The following LIN54 variants were observed in gnomAD, a reference collection of about 807,000 sequenced individuals.
LIN54 encodes lin-54 DREAM MuvB core complex component.
In LIN54, 9 loss-of-function variants were observed where a neutral mutation model predicts 78.7. That is an observed-to-expected ratio of 0.11 (90% CI 0.07 to 0.20). LIN54 has a LOEUF of 0.20. Among genes scored for constraint, LIN54 ranks in the 10% least tolerant of loss-of-function variants. The pLI is 1.00. For synonymous variants in LIN54, 269 were observed against 318.4 expected, an observed-to-expected ratio of 0.84 and a Z score of 1.65; for missense variants, 573 against 889.9, an observed-to-expected ratio of 0.64 and a Z score of 4.53.
chr4:82,931,559 G>T (rs1721956527), intron 11 of LIN54, among the ~76,000 whole-genome samples: 1 of 152,114 alleles, frequency 6.6e-6, no homozygotes, highest in African/African-American at 2.4e-5. Flanking sequence ...TCACATTAAA[G>T]GGATTTCACA....
chr4:82,937,771 T>C (rs1722506971), intron 8 of LIN54, among the ~76,000 whole-genome samples: 2 of 152,176 alleles, frequency 1.3e-5, no homozygotes, highest in African/African-American at 4.8e-5. Context: ...AAGCTGATAT[T>C]GCAAAAGCCA....
At chr4:83,007,812 C>T (rs1578678017) in intron 1 of LIN54, among the ~76,000 whole-genome samples, 1 of 152,056 alleles carries the variant, frequency 6.6e-6, no homozygotes, top group East Asian at 1.9e-4. Flanking sequence ...TCACTTGAGC[C>T]TGGGAGGCGG....
At chr4:82,929,419 G>A (rs1721760461) in intron 12 of LIN54, among the ~76,000 whole-genome samples, 1 of 152,056 alleles carries the variant, frequency 6.6e-6, no homozygotes, top group South Asian at 2.1e-4. Flanking sequence ...AAGAATCCCA[G>A]GTTATAAGTC....
At chr4:82,931,250 G>A in intron 11 of LIN54, 105 bp from the exon 12 acceptor site, 1 of 784,676 alleles carries the variant, frequency 1.3e-6, no homozygotes. Context: ...CTGGTCAACT[G>A]ATAATAAGAT....
At chr4:82,939,317 G>A (rs1722645030) in intron 7 of LIN54, among the ~76,000 whole-genome samples, 1 of 152,154 alleles carries the variant, frequency 6.6e-6, no homozygotes, top group Non-Finnish European at 1.5e-5. Flanking sequence ...GCTGCTCTCA[G>A]CTCCAAATTG....
intron 4 of LIN54, among the ~76,000 whole-genome samples, chr4:82,959,620 TAAC>T (rs929051681): frequency 1.1e-4 from 16 of 152,148 alleles, no homozygotes; most frequent in Non-Finnish European, 2.2e-4. Context: ...GCAATGGAAA[TAAC>T]AATTTGTACA....
chr4:82,930,345 G>T (rs1389524676), intron 12 of LIN54, among the ~76,000 whole-genome samples: 1 of 152,204 alleles, frequency 6.6e-6, no homozygotes, highest in Admixed American at 6.5e-5. Flanking sequence ...AAACACTGGA[G>T]ATATTATAGA....
Position 82,927,853 on chromosome 4 carries a change from C to A in LIN54, c.*249G>T. The A allele has an allele frequency of 7.7e-6, 3 of 388,054 alleles. No individual in the cohort carries two copies. The highest frequency in any genetic ancestry group is 4.3e-5 in the East Asian group (1 of 23,370). 24.0% of individuals were successfully genotyped at this position (388,054 alleles called of 1,614,324 possible). A position where few individuals can be genotyped will look rare whatever the true frequency, so the allele number is the denominator to read the frequency against. ...AGAGAACATCTAATTCTTAAGAAAC[C>A]CAAGCAAATTAAAAAATCTATATAA... On this transcript the variant is annotated 3_prime_UTR_variant, in exon 13 of 13. Transcript: ENST00000340417.
chr4:82,927,998 A>C lies in LIN54; in HGVS notation c.*104T>G. ...TTATAATTTCAGGTCTTTTAAAACAAGGACTGAATTAAAATACAGTAATTG... is the reference window on the plus strand; with the variant it reads ...TTATAATTTCAGGTCTTTTAAAACACGGACTGAATTAAAATACAGTAATTG... On this transcript the variant is annotated 3_prime_UTR_variant, in exon 13 of 13. Coordinates refer to ENST00000340417, the MANE Select transcript of LIN54 (RefSeq NM_194282.4). 1.1e-6 allele frequency: 1 copy of C among 905,264 alleles called. No homozygotes were observed. The highest frequency in any genetic ancestry group is 2.5e-5 in the East Asian group (1 of 39,526). The allele number at this position is 905,264 out of a possible 1,614,324, so 56.1% of individuals were successfully genotyped here. A position where few individuals can be genotyped will look rare whatever the true frequency, so the allele number is the denominator to read the frequency against.
chr4:82,928,155 C>CAAT lies in LIN54; in HGVS notation c.2196_2197insATT (p.Ser732_Val733insIle), dbSNP rs1239101400. 6.2e-7 allele frequency: 1 copy of CAAT among 1,614,218 alleles called. No homozygotes were observed. Among genetic ancestry groups the CAAT allele is most frequent in the Non-Finnish European group, 8.5e-7 (1 of 1,180,014 alleles). ...TTTGCCTTTCCTGCAGAGTTGATGA[C>CAAT]ACTCATCAAACATCGTCCGAATTCC... On this transcript the variant is annotated inframe_insertion, in exon 13 of 13. Transcript: ENST00000340417.
intron 4 of LIN54, among the ~76,000 whole-genome samples, chr4:82,960,072 C>T (rs1038858796): frequency 4.6e-5 from 7 of 152,124 alleles, no homozygotes; most frequent in Non-Finnish European, 8.8e-5. Context: ...AGCTTTTTTA[C>T]CAAAACATAT....
chr4:82,959,369 C>A (rs996954047), intron 4 of LIN54, among the ~76,000 whole-genome samples: 5 of 151,990 alleles, frequency 3.3e-5, no homozygotes, highest in Non-Finnish European at 5.9e-5. Flanking sequence ...GTGGTGCATA[C>A]CTGTTGCCCT....
rs368028820 is a variant in LIN54, at chr4:82,931,032, C to G, written c.1959G>C (p.Gln653His). Residue 653 changes from glutamine (Q) to histidine (H), a missense_variant, in exon 12 of 13, where the codon CAG becomes CAC. This residue lies in a region of LIN54 where 82 missense variants were observed against 140.8 expected (regional missense o/e 0.58). Transcript: ENST00000340417. Reference sequence around the variant, plus strand: ...ACTTCGTCTTGGCTGCTGTTTGTTGCTGTACCCTTACTTCAGCTGCATCTG... The same window carrying G: ...ACTTCGTCTTGGCTGCTGTTTGTTGGTGTACCCTTACTTCAGCTGCATCTG... The part of the protein sequence containing the change: ...HLADAAEVRV[Q>H]QQTAAKTKLS... The G allele has an allele frequency of 5.6e-6, 9 of 1,614,092 alleles. No individual in the cohort carries two copies. The highest frequency in any genetic ancestry group is 7.6e-6 in the Non-Finnish European group (9 of 1,180,036).
intron 1 of LIN54, among the ~76,000 whole-genome samples, 156 bp downstream of exon 1, chr4:83,010,325 AAAG>A (rs1729758317): frequency 6.6e-6 from 1 of 152,146 alleles, no homozygotes; most frequent in Admixed American, 6.5e-5. Context: ...CTTAACACTC[AAAG>A]AATAATGTTG....
intron 1 of LIN54, among the ~76,000 whole-genome samples, chr4:83,000,873 G>A (rs1218494972): frequency 3.6e-5 from 5 of 140,450 alleles, no homozygotes; most frequent in South Asian, 2.3e-4. Flanking sequence ...GTGCAGTGGC[G>A]CAATCTTGAT....
chr4:82,962,798 GAA>G (rs70943174), intron 4 of LIN54, among the ~76,000 whole-genome samples: 6 of 149,342 alleles, frequency 4.0e-5, no homozygotes, highest in East Asian at 1.9e-4. Flanking sequence ...GAAACACAAA[GAA>G]AAAAAAAACT....
At chr4:82,936,541 T>C (rs960608842) in intron 9 of LIN54, among the ~76,000 whole-genome samples, 160 bp from the exon 10 acceptor site, 1 of 152,222 alleles carries the variant, frequency 6.6e-6, no homozygotes, top group African/African-American at 2.4e-5. Context: ...ACAACACATA[T>C]TGTCAACCAC....
intron 4 of LIN54, among the ~76,000 whole-genome samples, chr4:82,967,230 AAAAAAAG>A (rs1236335456): frequency 1.3e-5 from 2 of 152,058 alleles, no homozygotes; most frequent in African/African-American, 2.4e-5. Flanking sequence ...ATCTCAAAAA[AAAAAAAG>A]AAAAAAGAAA....
chr4:82,927,974 T>C lies in LIN54; in HGVS notation c.*128A>G, dbSNP rs1721621873. 1 of 740,074 alleles carries C rather than the reference T, an allele frequency of 1.4e-6. No individual in the cohort carries two copies. Among genetic ancestry groups the C allele is most frequent in the Non-Finnish European group, 2.3e-6 (1 of 441,324 alleles). 45.8% of individuals were successfully genotyped at this position (740,074 alleles called of 1,614,324 possible). A position where few individuals can be genotyped will look rare whatever the true frequency, so the allele number is the denominator to read the frequency against. ...TTTAAAATTTCTTCTCCTTCAGTAT[T>C]ATAATTTCAGGTCTTTTAAAACAAG... On this transcript the variant is annotated 3_prime_UTR_variant, in exon 13 of 13. Coordinates refer to ENST00000340417, the MANE Select transcript of LIN54 (RefSeq NM_194282.4).
Sources: allele counts gnomAD v4.1 joint callset (sites outside exome capture counted in the v4.1 genomes callset), GRCh38; gene constraint gnomAD v4.1.1; regional missense constraint gnomAD v4.1.1; transcripts MANE v1.5; gene names NCBI Gene and HGNC (gene_info 2026-07-23, HGNC 2026-07-21).